MTCL3: variants seen among roughly 807,000 people sequenced by gnomAD.
MTCL3 encodes microtubule cross-linking factor 3.
At chr6:127,514,438 GCTC>G in the MTCL3 span, among the ~76,000 whole-genome samples, 1 of 152,236 alleles carries the variant, frequency 6.6e-6, no homozygotes, top group Non-Finnish European at 1.5e-5. Flanking sequence ...TTTTAGTGCA[GCTC>G]CTGACTGCCC....
At chr6:127,519,230 T>C in the MTCL3 span, 4 of 152,230 alleles carry the variant, frequency 2.6e-5, no homozygotes, top group Non-Finnish European at 5.9e-5. Flanking sequence ...CTGGGTTCGG[T>C]CATTCTCCAT....
the MTCL3 span, chr6:127,476,192 T>A: frequency 1.2e-6 from 2 of 1,614,102 alleles, no homozygotes; most frequent in Non-Finnish European, 1.7e-6. The surrounding 1 kb of genome is among the most constrained non-coding windows in gnomAD (Gnocchi z 4.4). Flanking sequence ...AGGCCTCTGT[T>A]CTCCACCTCC....
the MTCL3 span, among the ~76,000 whole-genome samples, chr6:127,480,971 A>T: frequency 1.3e-5 from 2 of 152,180 alleles, no homozygotes; most frequent in Admixed American, 1.3e-4. Flanking sequence ...GTATACTTAT[A>T]AAAAAGGAAG....
chr6:127,475,955 G>A, the MTCL3 span: 1 of 1,611,978 alleles, frequency 6.2e-7, no homozygotes, highest in South Asian at 1.1e-5. The surrounding 1 kb of genome is among the most constrained non-coding windows in gnomAD (Gnocchi z 7.3). Context: ...TCGTGGTGCC[G>A]CGCGCTGTCG....
At chr6:127,484,415 T>A in the MTCL3 span, among the ~76,000 whole-genome samples, 1 of 152,150 alleles carries the variant, frequency 6.6e-6, no homozygotes, top group Admixed American at 6.6e-5. Context: ...GCTTGGGGAC[T>A]GACTCACCAT....
chr6:127,505,458 G>A, the MTCL3 span, among the ~76,000 whole-genome samples: 4 of 152,156 alleles, frequency 2.6e-5, no homozygotes, highest in African/African-American at 7.2e-5. Context: ...ACAAGTGGGC[G>A]CTAAATGATG....
At chr6:127,475,493 T>C in the MTCL3 span, 2 of 1,613,516 alleles carry the variant, frequency 1.2e-6, no homozygotes, top group Non-Finnish European at 1.7e-6. The surrounding 1 kb of genome is among the most constrained non-coding windows in gnomAD (Gnocchi z 7.3). Flanking sequence ...GCCACGTAGA[T>C]GCGCGCCTCG....
chr6:127,475,581 C>A, the MTCL3 span: 1 of 1,606,890 alleles, frequency 6.2e-7, no homozygotes, highest in Non-Finnish European at 8.5e-7. The surrounding 1 kb of genome is among the most constrained non-coding windows in gnomAD (Gnocchi z 7.3). Flanking sequence ...GGATGTCCTT[C>A]ATCTGCTGCC....
the MTCL3 span, chr6:127,518,461 T>A: frequency 6.6e-6 from 1 of 152,196 alleles, no homozygotes; most frequent in Non-Finnish European, 1.5e-5. Context: ...CGGTGAAAAT[T>A]ATCACCCAAC....
the MTCL3 span, among the ~76,000 whole-genome samples, chr6:127,503,446 T>C: frequency 6.6e-6 from 1 of 152,216 alleles, no homozygotes; most frequent in Admixed American, 6.5e-5. Context: ...AAATCAATTG[T>C]CTCAGACATT....
At chr6:127,508,010 A>T in the MTCL3 span, among the ~76,000 whole-genome samples, 1 of 152,158 alleles carries the variant, frequency 6.6e-6, no homozygotes, top group African/African-American at 2.4e-5. Context: ...CTCTGAGAAG[A>T]TATGACTAAA....
the MTCL3 span, chr6:127,516,485 T>C: frequency 3.1e-6 from 5 of 1,599,702 alleles, no homozygotes; most frequent in Non-Finnish European, 4.2e-6. Context: ...TCCCTCGGTC[T>C]AGCGGGTGAC....
the MTCL3 span, chr6:127,513,067 T>C: frequency 1.3e-6 from 2 of 1,586,286 alleles, no homozygotes; most frequent in Non-Finnish European, 1.7e-6. Flanking sequence ...AAGGTGTTTG[T>C]AACAATAAAA....
the MTCL3 span, chr6:127,516,565 G>A: frequency 2.5e-6 from 4 of 1,597,814 alleles, no homozygotes; most frequent in East Asian, 2.2e-5. Flanking sequence ...AGCGGCGGGA[G>A]AAGCTGCTGC....
the MTCL3 span, among the ~76,000 whole-genome samples, chr6:127,480,841 T>C: frequency 1.3e-5 from 2 of 152,186 alleles, no homozygotes; most frequent in African/African-American, 2.4e-5. Flanking sequence ...ATTTTATAAT[T>C]GAGATATCCC....
At chr6:127,488,950 A>G in the MTCL3 span, among the ~76,000 whole-genome samples, 18 of 152,224 alleles carry the variant, frequency 1.2e-4, no homozygotes, top group African/African-American at 4.1e-4. Flanking sequence ...GAGTTGATAT[A>G]AAGCACAGGC....
chr6:127,479,238 T>TC, the MTCL3 span, among the ~76,000 whole-genome samples: 1 of 152,206 alleles, frequency 6.6e-6, no homozygotes, highest in Non-Finnish European at 1.5e-5. Flanking sequence ...ATTTGTAAGC[T>TC]GTCATGGCAC....
the MTCL3 span, among the ~76,000 whole-genome samples, chr6:127,509,489 A>G: frequency 6.6e-6 from 1 of 152,354 alleles, no homozygotes; most frequent in African/African-American, 2.4e-5. Flanking sequence ...TTCAACATCT[A>G]TATGACTCCA....
At chr6:127,483,662 T>C in the MTCL3 span, among the ~76,000 whole-genome samples, 1 of 152,202 alleles carries the variant, frequency 6.6e-6, no homozygotes, top group Non-Finnish European at 1.5e-5. Context: ...CTGATCCTAA[T>C]TAAAATTCAA....
Sources: allele counts gnomAD v4.1 joint callset (sites outside exome capture counted in the v4.1 genomes callset), GRCh38; gene constraint gnomAD v4.1.1; non-coding constraint Gnocchi (gnomAD v3.1); transcripts MANE v1.5; gene names NCBI Gene and HGNC (gene_info 2026-07-23, HGNC 2026-07-21).